DMD: variants seen among roughly 807,000 people sequenced by gnomAD.
DMD encodes dystrophin, also known as mutant dystrophin.
DMD carries 63 observed loss-of-function variants against 330.1 expected under a neutral mutation model. The ratio of observed to expected loss-of-function variants is 0.19; its 90% CI spans 0.16 to 0.24. DMD has a LOEUF of 0.24. DMD is among the 10% of genes least tolerant of loss of function. DMD has a pLI of 1.00. For synonymous variants in DMD, 1,223 were observed against 959.8 expected (o/e 1.27, Z -5.07); for missense variants, 3,344 against 2,684.1 (o/e 1.25, Z -5.43).
chrX:33,080,757 A>C (rs2094915379), intron 1 of DMD, among the ~76,000 whole-genome samples: 2 of 111,343 alleles, frequency 1.8e-5, no homozygotes, highest in Non-Finnish European at 3.8e-5. Context: ...ACCTTAAAGA[A>C]TTTAGCAAAT....
chrX:32,254,552 T>C (rs778396173), intron 43 of DMD, among the ~76,000 whole-genome samples: 1 of 112,398 alleles, frequency 8.9e-6, no homozygotes, highest in East Asian at 2.8e-4. Context: ...GTATGTTGTT[T>C]GTACATGTAC....
chrX:31,629,297 G>C (rs1245763440), intron 54 of DMD, among the ~76,000 whole-genome samples: 4 of 111,568 alleles, frequency 3.6e-5, no homozygotes, highest in African/African-American at 1.3e-4. Context: ...AACAACTCCT[G>C]CCGAGCCAGC....
chrX:32,558,079 G>A (rs925454826), intron 16 of DMD, among the ~76,000 whole-genome samples: 25 of 109,921 alleles, frequency 2.3e-4, no homozygotes, highest in Non-Finnish European at 3.1e-4. Flanking sequence ...TTGTTTCTTC[G>A]AAATAAATAT....
At chrX:32,483,818 T>C (rs754868770) in intron 21 of DMD, among the ~76,000 whole-genome samples, 1 of 4,700 alleles carries the variant, frequency 2.1e-4, no homozygotes, top group African/African-American at 6.4e-4. Flanking sequence ...GACTCTGAAG[T>C]ACAAAAAAAA....
rs375685161 is a variant in DMD at position 32,802,399 on chromosome X, C to T, written c.649+7094G>A. Among the ~76,000 whole-genome samples, 33 of 111,796 alleles carry T rather than the reference C, an allele frequency of 3.0e-4. No homozygotes were observed. In the East Asian group the frequency reaches 3.1e-3, roughly 11 times the overall value. On this transcript the variant is annotated intron_variant, in intron 7 of 78. Coordinates refer to ENST00000357033, the MANE Select transcript of DMD (RefSeq NM_004006.3). Reference sequence around the variant, plus strand: ...CTGCCTATCAGCTTAAGGAGATTTTCGGCTGAGATGATGGGGTTTTCTAAA... The same window carrying T: ...CTGCCTATCAGCTTAAGGAGATTTTTGGCTGAGATGATGGGGTTTTCTAAA...
intron 7 of DMD, among the ~76,000 whole-genome samples, chrX:32,762,383 G>C (rs1324374311): frequency 9.0e-6 from 1 of 111,282 alleles, no homozygotes; most frequent in Non-Finnish European, 1.9e-5. Context: ...CATTCTCCTA[G>C]CTACTGGCTA....
At chrX:32,359,970 C>T in intron 37 of DMD, among the ~76,000 whole-genome samples, 1 of 110,692 alleles carries the variant, frequency 9.0e-6, no homozygotes, top group Non-Finnish European at 1.9e-5. Context: ...TCTATTTTAA[C>T]TTCCTCATCT....
intron 7 of DMD, among the ~76,000 whole-genome samples, chrX:32,798,232 G>A (rs1351442333): frequency 2.7e-5 from 3 of 112,048 alleles, no homozygotes; most frequent in African/African-American, 9.7e-5. Context: ...ACAGTTACAT[G>A]CAATTATTTG....
Position 32,545,314 on chromosome X carries a change from G to T in DMD, c.2013C>A (p.Thr671=). The T allele has an allele frequency of 8.3e-7, 1 of 1,210,284 alleles. No homozygotes were observed. Among genetic ancestry groups the T allele is most frequent in the Non-Finnish European group, 1.1e-6 (1 of 894,452 alleles). Residue 671 remains threonine, a synonymous_variant, in exon 17 of 79, where the codon ACC becomes ACA. Transcript: ENST00000357033. ...STAQISQAVT[T]TQPSLTQTTV... is the part of the protein sequence containing the mutation. Reference sequence around the variant, plus strand: ...TTGTCTGTGTTAGTGATGGCTGAGTGGTGGTGACAGCCTGTGAAATCTGTG... The same window carrying T: ...TTGTCTGTGTTAGTGATGGCTGAGTTGTGGTGACAGCCTGTGAAATCTGTG...
chrX:32,344,864 C>T (rs2097758864), intron 39 of DMD, among the ~76,000 whole-genome samples: 1 of 111,411 alleles, frequency 9.0e-6, no homozygotes, highest in African/African-American at 3.3e-5. Context: ...TTCCGATTTT[C>T]TAGACACATT....
At chrX:32,721,785 C>T (rs114230398) in intron 7 of DMD, among the ~76,000 whole-genome samples, 1,859 of 110,449 alleles carry the variant, frequency 0.017, 44 homozygotes, top group African/African-American at 0.057. Flanking sequence ...AGAGCTTTTT[C>T]CTCTCTGTTT....
intron 50 of DMD, among the ~76,000 whole-genome samples, chrX:31,781,298 T>C (rs2090996858): frequency 1.8e-5 from 2 of 112,401 alleles, no homozygotes; most frequent in African/African-American, 6.5e-5. Context: ...ACTGCACATA[T>C]TTCTAAGAAT....
At chrX:31,460,169 A>AATGTTTTTT (rs1486284726) in intron 59 of DMD, among the ~76,000 whole-genome samples, 7 of 111,675 alleles carry the variant, frequency 6.3e-5, no homozygotes, top group Non-Finnish European at 9.4e-5. Context: ...TGTTTTTTGC[A>AATGTTTTTT]CCATTTTGGG....
intron 30 of DMD, among the ~76,000 whole-genome samples, chrX:32,399,290 G>T (rs185063886): frequency 9.0e-6 from 1 of 111,468 alleles, no homozygotes; most frequent in Non-Finnish European, 1.9e-5. Context: ...CCCACAAAGT[G>T]AAGAGACAAC....
intron 1 of DMD, among the ~76,000 whole-genome samples, chrX:33,037,997 T>C (rs2094233589): frequency 8.9e-6 from 1 of 112,205 alleles, no homozygotes; most frequent in South Asian, 3.7e-4. Flanking sequence ...AAAGACAGTC[T>C]CCCTTTAACT....
chrX:32,337,646 AT>A (rs1382328697), intron 41 of DMD, among the ~76,000 whole-genome samples: 1 of 110,366 alleles, frequency 9.1e-6, no homozygotes, highest in Non-Finnish European at 1.9e-5. Flanking sequence ...CACAAGCCTT[AT>A]ATTTGTTGCC....
intron 54 of DMD, among the ~76,000 whole-genome samples, chrX:31,631,439 A>G (rs1477446713): frequency 9.1e-6 from 1 of 110,207 alleles, no homozygotes; most frequent in African/African-American, 3.3e-5. Flanking sequence ...GGTTGATGGG[A>G]GAGTTGTGGG....
intron 7 of DMD, among the ~76,000 whole-genome samples, chrX:32,708,969 G>A (rs1291592158): frequency 8.9e-6 from 1 of 112,112 alleles, no homozygotes; most frequent in Non-Finnish European, 1.9e-5. Flanking sequence ...ACTGAAACCA[G>A]TGGACGAACA....
intron 55 of DMD, among the ~76,000 whole-genome samples, chrX:31,590,747 C>G (rs1485467601): frequency 9.0e-6 from 1 of 111,477 alleles, no homozygotes; most frequent in Non-Finnish European, 1.9e-5. Flanking sequence ...TTACGTGCAT[C>G]ATAAACTTCT....
Sources: allele counts gnomAD v4.1 joint callset (sites outside exome capture counted in the v4.1 genomes callset), GRCh38; gene constraint gnomAD v4.1.1; transcripts MANE v1.5; gene names NCBI Gene and HGNC (gene_info 2026-07-23, HGNC 2026-07-21).